TMEM232: variants seen among roughly 807,000 people sequenced by gnomAD.
TMEM232 encodes transmembrane protein 232.
A neutral mutation model predicts 78.8 loss-of-function variants in TMEM232; 80 were observed. The observed-to-expected ratio is 1.01, with a 90% CI of 0.85 to 1.22. The LOEUF is 1.22. Ranked by LOEUF, TMEM232 falls within the 50% of genes most tolerant of loss-of-function variation. TMEM232 has a pLI of 0.00. For synonymous variants in TMEM232, 297 were observed against 254.3 expected (o/e 1.17, Z -1.60); for missense variants, 881 against 742.2 (o/e 1.19, Z -2.17).
chr5:110,458,845 C>T (rs528577548), intron 12 of TMEM232, among the ~76,000 whole-genome samples: 35 of 151,904 alleles, frequency 2.3e-4, no homozygotes, highest in African/African-American at 7.5e-4. Context: ...GGTTGGATGC[C>T]GTTGCATATA....
intron 2 of TMEM232, among the ~76,000 whole-genome samples, chr5:110,404,872 C>T (rs1017858119): frequency 4.6e-5 from 7 of 151,902 alleles, no homozygotes; most frequent in East Asian, 3.9e-4. Flanking sequence ...TGAAGAGACT[C>T]GGCAGGGTTA....
At chr5:110,486,591 T>G (rs562920477) in intron 12 of TMEM232, among the ~76,000 whole-genome samples, 67 of 152,224 alleles carry the variant, frequency 4.4e-4, no homozygotes, top group African/African-American at 1.5e-3. Context: ...CCCCACTTTG[T>G]TTTTGTTTGC....
At chr5:110,564,683 A>C (rs1776130450) in intron 11 of TMEM232, among the ~76,000 whole-genome samples, 1 of 151,908 alleles carries the variant, frequency 6.6e-6, no homozygotes, top group Non-Finnish European at 1.5e-5. Flanking sequence ...CATACTCATA[A>C]ATGTCTCCAA....
chr5:110,546,312 A>G (rs913647306), intron 11 of TMEM232, among the ~76,000 whole-genome samples: 9 of 152,134 alleles, frequency 5.9e-5, no homozygotes, highest in African/African-American at 2.2e-4. Context: ...TGGATTTACC[A>G]CTGTTGTAGA....
At chr5:110,642,060 A>G (rs574869255) in intron 3 of TMEM232, among the ~76,000 whole-genome samples, 200 bp downstream of exon 3, 1 of 152,184 alleles carries the variant, frequency 6.6e-6, no homozygotes, top group South Asian at 2.1e-4. Context: ...GGACTGGTAT[A>G]TTTCCACAAA....
intron 12 of TMEM232, among the ~76,000 whole-genome samples, chr5:110,510,372 C>G (rs1767576874): frequency 6.6e-6 from 1 of 152,112 alleles, no homozygotes; most frequent in Non-Finnish European, 1.5e-5. Context: ...GTTGCTCAGC[C>G]TGGAAAAAAA....
chr5:110,593,122 T>G (rs1779727788), intron 10 of TMEM232, among the ~76,000 whole-genome samples: 1 of 152,254 alleles, frequency 6.6e-6, no homozygotes, highest in South Asian at 2.1e-4. Context: ...AAGTGTGAGC[T>G]CACATAGTTG....
At chr5:110,641,058 T>C in intron 3 of TMEM232, 62 bp from the exon 4 acceptor site, 2 of 1,027,588 alleles carry the variant, frequency 1.9e-6, no homozygotes, top group Non-Finnish European at 2.7e-6. Context: ...TATATATTTA[T>C]TTTTAACTCT....
At chr5:110,664,276 T>C (rs1790254357) in intron 2 of TMEM232, among the ~76,000 whole-genome samples, 1 of 152,190 alleles carries the variant, frequency 6.6e-6, no homozygotes, top group Non-Finnish European at 1.5e-5. Flanking sequence ...TATATTAGAA[T>C]TTTTCAGCCA....
In TMEM232 at chr5:110,556,373, C is replaced by T. The variant is rs568248174; in HGVS notation, c.1455+12074G>A. On this transcript the variant is annotated intron_variant, in intron 11 of 13. Coordinates refer to ENST00000455884, the MANE Select transcript of TMEM232 (RefSeq NM_001039763.4). ...CCCTTCCCTTCCCCTTCCTTCCTTC[C>T]TTCCTTTCTTTCTTTCCTTCTTTCT... 6.1e-5 allele frequency among the ~76,000 whole-genome samples: 9 copies of T among 148,000 alleles called. No homozygotes were observed. The South Asian group carries it at 1.7e-3, about 28-fold the overall frequency.
At chr5:110,398,638 A>G (rs529979270) in intron 2 of TMEM232, among the ~76,000 whole-genome samples, 23 of 152,314 alleles carry the variant, frequency 1.5e-4, no homozygotes, top group South Asian at 6.2e-4. Context: ...AGAAGATGCA[A>G]TAGTCTCAGA....
intron 11 of TMEM232, among the ~76,000 whole-genome samples, chr5:110,549,040 A>C (rs1452941383): frequency 6.6e-6 from 1 of 152,058 alleles, no homozygotes; most frequent in Non-Finnish European, 1.5e-5. Context: ...TAGAGATAAC[A>C]GAAATTAGAA....
chr5:110,477,021 T>C (rs1476187714), intron 12 of TMEM232, among the ~76,000 whole-genome samples: 1 of 151,970 alleles, frequency 6.6e-6, no homozygotes, highest in African/African-American at 2.4e-5. Flanking sequence ...CTTTTGGGAA[T>C]AAATTAACTG....
chr5:110,640,910 G>T lies in TMEM232; in HGVS notation c.324C>A (p.Cys108Ter), dbSNP rs1265935345. The change falls in exon 4 of 14, where the codon TGC (cysteine) becomes TGA (stop). Residue 108 changes from cysteine to a stop codon, truncating the protein, a stop_gained. Transcript: ENST00000455884. LOFTEE classifies it high-confidence loss of function. ...ACGTACCATCTTGGATTTCCCCTTTGCATTGAGCCAGATATATTACTTCAG... is the reference window on the plus strand; with the variant it reads ...ACGTACCATCTTGGATTTCCCCTTTTCATTGAGCCAGATATATTACTTCAG... ...AWTEVIYLAQCKGEIQDESLN... is the reference protein window; with the variant it reads ...AWTEVIYLAQ 6.5e-7 allele frequency: 1 copy of T among 1,535,140 alleles called. No individual in the cohort carries two copies. Among genetic ancestry groups the T allele is most frequent in the East Asian group, 2.5e-5 (1 of 40,268 alleles).
At chr5:110,609,524 C>T (rs1024993111) in intron 8 of TMEM232, among the ~76,000 whole-genome samples, 1 of 151,658 alleles carries the variant, frequency 6.6e-6, no homozygotes, top group Non-Finnish European at 1.5e-5. Flanking sequence ...ATTCTCATCT[C>T]TCCATATTTT....
chr5:110,537,867 A>G (rs1468844399), intron 11 of TMEM232, among the ~76,000 whole-genome samples: 1 of 152,224 alleles, frequency 6.6e-6, no homozygotes, highest in Non-Finnish European at 1.5e-5. Context: ...TTGCTCTCTC[A>G]TGGAGAGATG....
At chr5:110,732,304 T>C (rs1376654956) in intron 2 of TMEM232, among the ~76,000 whole-genome samples, 2 of 152,218 alleles carry the variant, frequency 1.3e-5, no homozygotes, top group East Asian at 3.8e-4. Flanking sequence ...CTTCTGCCTA[T>C]TACCCAGTTC....
chr5:110,446,298 G>GCTGT (rs1759639380), intron 12 of TMEM232, among the ~76,000 whole-genome samples: 1 of 152,156 alleles, frequency 6.6e-6, no homozygotes, highest in Non-Finnish European at 1.5e-5. Context: ...CAACATACTT[G>GCTGT]CTGTCTTTGA....
At chr5:110,499,367 T>C (rs1765968124) in intron 12 of TMEM232, among the ~76,000 whole-genome samples, 1 of 152,158 alleles carries the variant, frequency 6.6e-6, no homozygotes, top group Non-Finnish European at 1.5e-5. Context: ...TCCTCACACC[T>C]GAACCTCACG....
Sources: gnomAD v4.1 joint callset for allele counts (sites outside exome capture counted in the v4.1 genomes callset) on GRCh38, gnomAD v4.1.1 for gene constraint, MANE v1.5 for transcripts, NCBI Gene and HGNC (gene_info 2026-07-23, HGNC 2026-07-21) for gene names.